The following KATNIP variants were observed in gnomAD, a reference collection of about 807,000 sequenced individuals.
The protein encoded by KATNIP is katanin-interacting protein.
Under a neutral mutation model 174.0 loss-of-function variants are expected in KATNIP, and 126 were observed. The ratio of observed to expected loss-of-function variants is 0.72; its 90% CI spans 0.63 to 0.84. KATNIP has a LOEUF of 0.84. Among genes scored for constraint, KATNIP ranks in the 40% least tolerant of loss-of-function variants. The probability of loss-of-function intolerance (pLI) is 0.00; values close to 1 mark genes in which losing one functional copy is unlikely to be tolerated. For synonymous variants in KATNIP, 810 were observed against 835.7 expected (o/e 0.97, Z 0.53); for missense variants, 1,958 against 2,109.7 (o/e 0.93, Z 1.41).
intron 10 of KATNIP, among the ~76,000 whole-genome samples, chr16:27,700,882 A>T (rs955132931): frequency 3.3e-5 from 5 of 152,200 alleles, no homozygotes; most frequent in Non-Finnish European, 7.3e-5. Flanking sequence ...CTCGTCTGCC[A>T]CTAGCCTGTG....
chr16:27,638,698 C>T (rs1206296154), intron 5 of KATNIP, among the ~76,000 whole-genome samples: 2 of 152,172 alleles, frequency 1.3e-5, no homozygotes, highest in African/African-American at 2.4e-5. Context: ...TCACATTGGT[C>T]AGCAGGGGAC....
At chr16:27,699,054 T>C (rs1018903491) in intron 9 of KATNIP, among the ~76,000 whole-genome samples, 15 of 152,134 alleles carry the variant, frequency 9.9e-5, no homozygotes, top group African/African-American at 3.6e-4. Context: ...CTGGAGGCAT[T>C]GGGTATAGCT....
At chr16:27,778,061 C>T (rs1051711022) in intron 27 of KATNIP, 92 bp downstream of exon 27, 6 of 1,098,552 alleles carry the variant, frequency 5.5e-6, no homozygotes, top group Non-Finnish European at 8.1e-6. Context: ...CACCCTCACC[C>T]CTGCCTGCCC....
chr16:27,737,224 T>A (rs182212383), intron 14 of KATNIP, among the ~76,000 whole-genome samples: 25 of 151,868 alleles, frequency 1.6e-4, no homozygotes, highest in African/African-American at 4.6e-4. Context: ...CAAAAAAAAA[T>A]TTATTTTAAT....
intron 3 of KATNIP, among the ~76,000 whole-genome samples, chr16:27,624,092 C>T (rs932763984): frequency 1.3e-5 from 2 of 152,168 alleles, no homozygotes; most frequent in Admixed American, 1.3e-4. Flanking sequence ...CCAGGTGAGG[C>T]CCCCAGTGAT....
At chr16:27,685,690 G>A (rs1257446412) in intron 8 of KATNIP, among the ~76,000 whole-genome samples, 1 of 152,172 alleles carries the variant, frequency 6.6e-6, no homozygotes, top group East Asian at 1.9e-4. Flanking sequence ...TTTTGAACAG[G>A]TTTGGAGCTC....
chr16:27,581,806 T>C (rs749872471), intron 2 of KATNIP, among the ~76,000 whole-genome samples: 2 of 152,170 alleles, frequency 1.3e-5, no homozygotes, highest in Non-Finnish European at 2.9e-5. Context: ...TGCATCCTCA[T>C]AGCTTAGCTC....
chr16:27,636,885 G>A (rs982624891), intron 5 of KATNIP, among the ~76,000 whole-genome samples: 4 of 152,350 alleles, frequency 2.6e-5, no homozygotes, highest in African/African-American at 9.6e-5. Context: ...CTCAGCAGGG[G>A]CTGCCTGCTG....
chr16:27,657,831 T>C (rs1401058022), intron 6 of KATNIP, among the ~76,000 whole-genome samples: 4 of 151,884 alleles, frequency 2.6e-5, no homozygotes, highest in African/African-American at 9.7e-5. Context: ...AATTGCTTGA[T>C]CCCGGGAGTC....
At chr16:27,610,619 A>G (rs563777112) in intron 2 of KATNIP, among the ~76,000 whole-genome samples, 37 of 152,288 alleles carry the variant, frequency 2.4e-4, no homozygotes, top group Admixed American at 1.8e-3. Context: ...CCGCTTTTGT[A>G]CAACATCAGG....
chr16:27,755,358 C>T (rs868386350), intron 18 of KATNIP: 1 of 152,306 alleles, frequency 6.6e-6, no homozygotes, highest in Non-Finnish European at 1.5e-5. Context: ...GACCACCTGT[C>T]GCTGGCTAGG....
chr16:27,679,474 G>A (rs982159935), intron 7 of KATNIP, among the ~76,000 whole-genome samples: 2 of 152,222 alleles, frequency 1.3e-5, no homozygotes, highest in East Asian at 3.9e-4. Context: ...TTTGGAGGGG[G>A]CCAGGCACAG....
chr16:27,770,318 G>A (rs906294592), intron 21 of KATNIP, among the ~76,000 whole-genome samples: 2 of 152,170 alleles, frequency 1.3e-5, no homozygotes, highest in Admixed American at 6.5e-5. Flanking sequence ...AATGCCTGCC[G>A]GCCAGTTTGG....
chr16:27,648,130 A>G (rs994941222), intron 5 of KATNIP, among the ~76,000 whole-genome samples: 1 of 152,088 alleles, frequency 6.6e-6, no homozygotes, highest in Non-Finnish European at 1.5e-5. Context: ...CCCCGTCTCT[A>G]CTAAAAATAC....
intron 14 of KATNIP, among the ~76,000 whole-genome samples, chr16:27,734,317 G>A (rs1295760927): frequency 6.7e-6 from 1 of 150,308 alleles, no homozygotes; most frequent in Non-Finnish European, 1.5e-5. Context: ...TCCTGACCTC[G>A]TGATCCACCT....
chr16:27,769,646 G>A (rs1324809518), intron 20 of KATNIP, among the ~76,000 whole-genome samples: 1 of 152,242 alleles, frequency 6.6e-6, no homozygotes, highest in Admixed American at 6.5e-5. Flanking sequence ...CCGTGGACCA[G>A]TGTCCGCTGT....
chr16:27,740,538 A>C lies in KATNIP; in HGVS notation c.2241A>C (p.Pro747=). ...ENLMGRKICE[P]PGKTPSWLQP... ...TCATGGGCAGAAAAATCTGTGAGCC[A>C]CCCGGGAAAACCCCATCCTGGTTAC... is the stretch of plus-strand genomic sequence containing the variant. The change falls in exon 15 of 28, where the codon CCA becomes CCC. Residue 747 remains proline (P), a synonymous_variant. Transcript: ENST00000261588. The C allele has an allele frequency of 6.2e-7, 1 of 1,614,128 alleles. No individual in the cohort carries two copies. The highest frequency in any genetic ancestry group is 1.1e-5 in the South Asian group (1 of 91,086).
chr16:27,631,157 C>T lies in KATNIP; in HGVS notation c.403C>T (p.His135Tyr). The change falls in exon 5 of 28, where the codon CAC becomes TAC. Residue 135 changes from histidine to tyrosine, a missense_variant. By Grantham distance (83) the His-to-Tyr change is moderately conservative. Coordinates refer to ENST00000261588, the MANE Select transcript of KATNIP (RefSeq NM_015202.5). The stretch of plus-strand genomic sequence containing the variant: ...CAGTAAAGTCCAGCGCCGAGGATGG[C>T]ACCAGGTCTGGAGACTGTGGCCCCA... ...APSKVQRRGW[H>Y]QKSVQIRTEA... 1.3e-6 allele frequency: 2 copies of T among 1,564,654 alleles called. No homozygotes were observed. Among genetic ancestry groups the T allele is most frequent in the South Asian group, 1.2e-5 (1 of 85,032 alleles).
chr16:27,746,387 G>T, intron 15 of KATNIP, among the ~76,000 whole-genome samples: 1 of 152,186 alleles, frequency 6.6e-6, no homozygotes. Flanking sequence ...GTTAAGCCTC[G>T]TGCCTGAGGG....
Sources: gnomAD v4.1 joint callset for allele counts (sites outside exome capture counted in the v4.1 genomes callset) on GRCh38, gnomAD v4.1.1 for gene constraint, MANE v1.5 for transcripts, NCBI Gene and HGNC (gene_info 2026-07-23, HGNC 2026-07-21) for gene names.